Variants in USH2A observed in about 807,000 individuals in gnomAD.
The protein encoded by USH2A is usherin.
USH2A carries 443 observed loss-of-function variants against 538.9 expected under a neutral mutation model. The observed-to-expected ratio is 0.82, with a 90% CI of 0.76 to 0.89. The LOEUF (loss-of-function observed/expected upper bound fraction) is 0.89, where lower values mean the gene tolerates loss of function less well. Ranked by LOEUF, USH2A falls within the 40% of genes least tolerant of loss-of-function variation. The pLI, the probability that USH2A is intolerant of heterozygous loss-of-function variation, is 0.00. For missense variants in USH2A, 6,633 were observed against 6,324.8 expected (o/e 1.05, Z -1.65); for synonymous variants, 2,413 against 2,273.5 (o/e 1.06, Z -1.75).
chr1:215,908,061 A>G (rs1327919358), intron 38 of USH2A, among the ~76,000 whole-genome samples: 1 of 152,046 alleles, frequency 6.6e-6, no homozygotes, highest in Admixed American at 6.6e-5. Flanking sequence ...CTGAAATACT[A>G]CTTTAGAGTA....
intron 21 of USH2A, among the ~76,000 whole-genome samples, chr1:216,162,338 A>G (rs1415603050): frequency 6.6e-6 from 1 of 151,722 alleles, no homozygotes; most frequent in African/African-American, 2.4e-5. Context: ...ATTTTTTCCT[A>G]TTAATTACTG....
intron 47 of USH2A, among the ~76,000 whole-genome samples, chr1:215,822,559 A>T (rs1219257755): frequency 1.3e-5 from 2 of 151,912 alleles, no homozygotes; most frequent in East Asian, 3.9e-4. Flanking sequence ...AGAGCATGTC[A>T]TCTGTTAACA....
At chr1:216,125,495 C>A (rs762088971) in intron 21 of USH2A, among the ~76,000 whole-genome samples, 14 of 152,122 alleles carry the variant, frequency 9.2e-5, no homozygotes, top group African/African-American at 1.4e-4. Context: ...TGAAGGAGGA[C>A]CACTACATTG....
chr1:216,153,676 A>G (rs531523431), intron 21 of USH2A, among the ~76,000 whole-genome samples: 3 of 152,334 alleles, frequency 2.0e-5, no homozygotes, highest in African/African-American at 4.8e-5. Context: ...TGCCTCATAC[A>G]TGCCCACAAA....
At chr1:215,930,230 C>T (rs966720773) in intron 38 of USH2A, among the ~76,000 whole-genome samples, 1 of 151,910 alleles carries the variant, frequency 6.6e-6, no homozygotes, top group African/African-American at 2.4e-5. Flanking sequence ...AGAATTATTC[C>T]TTTTGGAATA....
At chr1:215,991,009 C>T (rs750437827) in intron 35 of USH2A, among the ~76,000 whole-genome samples, 26 of 152,062 alleles carry the variant, frequency 1.7e-4, no homozygotes, top group East Asian at 7.7e-4. Flanking sequence ...GATCCACCCC[C>T]CTCAGCCTCC....
At chr1:216,095,704 G>A (rs1020908702) in intron 22 of USH2A, among the ~76,000 whole-genome samples, 2 of 152,132 alleles carry the variant, frequency 1.3e-5, no homozygotes, top group Non-Finnish European at 2.9e-5. Context: ...CCACTGTGCG[G>A]CTCTCCCAGC....
chr1:215,782,350 T>A (rs901412778), intron 53 of USH2A, among the ~76,000 whole-genome samples, 154 bp from the exon 54 acceptor site: 1 of 152,040 alleles, frequency 6.6e-6, no homozygotes, highest in East Asian at 1.9e-4. Context: ...CAGTTCCTAA[T>A]TATACTATTA....
At chr1:215,731,621 T>TAA (rs945640896) in intron 60 of USH2A, among the ~76,000 whole-genome samples, 3 of 152,308 alleles carry the variant, frequency 2.0e-5, no homozygotes, top group African/African-American at 7.2e-5. Flanking sequence ...AAAATAAGTA[T>TAA]AAAAACTAGG....
At chr1:215,730,274 C>T (rs528240523) in intron 60 of USH2A, among the ~76,000 whole-genome samples, 24 of 152,296 alleles carry the variant, frequency 1.6e-4, no homozygotes, top group African/African-American at 5.5e-4. Flanking sequence ...GTTGGCATAT[C>T]TCTATATTCC....
chr1:216,403,852 C>T (rs2039347874), intron 3 of USH2A, among the ~76,000 whole-genome samples: 1 of 152,114 alleles, frequency 6.6e-6, no homozygotes, highest in African/African-American at 2.4e-5. Context: ...CAGTTTCCCA[C>T]ATGCTGTTCT....
At position 216,232,719 on chromosome 1, in the gene USH2A, A is replaced by G. The variant is rs575498044; in HGVS notation, c.2810-583T>C. ...GTCCTATGGATGTTGCCTCCTAACA[A>G]TTTTAAACCTTCCACTCTTCATCCC... On this transcript the variant is annotated intron_variant, in intron 13 of 71. Transcript: ENST00000307340. 3.9e-5 allele frequency among the ~76,000 whole-genome samples: 6 copies of G among 152,262 alleles called. No individual in the cohort carries two copies. In the South Asian group the frequency reaches 1.0e-3, roughly 26 times the overall value.
chr1:215,823,274 C>A (rs1346912547), intron 47 of USH2A, among the ~76,000 whole-genome samples: 1 of 151,986 alleles, frequency 6.6e-6, no homozygotes, highest in African/African-American at 2.4e-5. Flanking sequence ...GACTTCATTT[C>A]TCTTTCATAT....
intron 37 of USH2A, among the ~76,000 whole-genome samples, chr1:215,951,248 G>A (rs1394007041): frequency 6.6e-6 from 1 of 152,152 alleles, no homozygotes; most frequent in Non-Finnish European, 1.5e-5. Flanking sequence ...ATTCTGGTAT[G>A]TTGTGTCTTT....
chr1:216,104,720 A>G (rs889028208), intron 21 of USH2A, among the ~76,000 whole-genome samples: 5 of 152,222 alleles, frequency 3.3e-5, no homozygotes, highest in Non-Finnish European at 5.9e-5. Flanking sequence ...TAAAAACCCT[A>G]GAAGAAAACC....
chr1:215,956,920 T>C (rs1667081815), intron 37 of USH2A, among the ~76,000 whole-genome samples: 1 of 152,168 alleles, frequency 6.6e-6, no homozygotes, highest in Non-Finnish European at 1.5e-5. Flanking sequence ...GTCAATACAT[T>C]CAGTGCATAT....
At chr1:215,891,881 T>C (rs1665218678) in intron 40 of USH2A, among the ~76,000 whole-genome samples, 1 of 152,166 alleles carries the variant, frequency 6.6e-6, no homozygotes, top group East Asian at 1.9e-4. Context: ...TGTAATTGTT[T>C]AGAGAACTCC....
chr1:215,959,856 T>G (rs1481266992), intron 37 of USH2A, among the ~76,000 whole-genome samples: 1 of 152,086 alleles, frequency 6.6e-6, no homozygotes, highest in Non-Finnish European at 1.5e-5. Flanking sequence ...CCTTAGAAAC[T>G]CTGACACAAA....
At chr1:216,405,665 C>A (rs192158459) in intron 3 of USH2A, among the ~76,000 whole-genome samples, 1 of 152,158 alleles carries the variant, frequency 6.6e-6, no homozygotes, top group Non-Finnish European at 1.5e-5. Flanking sequence ...AACTGCCATA[C>A]GCTATTGCAC....
Sources: gnomAD v4.1 joint callset for allele counts (sites outside exome capture counted in the v4.1 genomes callset) on GRCh38, gnomAD v4.1.1 for gene constraint, MANE v1.5 for transcripts, NCBI Gene and HGNC (gene_info 2026-07-23, HGNC 2026-07-21) for gene names.